Variants in PRKAR1A observed in about 807,000 individuals in gnomAD.
PRKAR1A encodes the protein protein kinase cAMP-dependent type I regulatory subunit alpha.
PRKAR1A carries 3 observed loss-of-function variants against 52.0 expected under a neutral mutation model. The observed-to-expected ratio is 0.06, with a 90% CI of 0.03 to 0.15. PRKAR1A has a LOEUF of 0.15. Among genes scored for constraint, PRKAR1A ranks in the 10% least tolerant of loss-of-function variants. The pLI is 1.00. For synonymous variants in PRKAR1A, 188 were observed against 168.4 expected (o/e 1.12, Z -0.90); for missense variants, 240 against 477.4 (o/e 0.50, Z 4.63).
chr17:68,531,276 A>G lies in PRKAR1A; in HGVS notation c.*827A>G. 8 of 1,066,376 alleles carry G rather than the reference A, an allele frequency of 7.5e-6. No homozygotes were observed. The highest frequency in any genetic ancestry group is 9.1e-6 in the Non-Finnish European group (8 of 879,656). The allele number at this position is 1,066,376 out of a possible 1,614,324, so 66.1% of individuals were successfully genotyped here. A position where few individuals can be genotyped will look rare whatever the true frequency, so the allele number is the denominator to read the frequency against. On this transcript the variant is annotated 3_prime_UTR_variant, in exon 11 of 11. Coordinates refer to ENST00000589228, the MANE Select transcript of PRKAR1A (RefSeq NM_002734.5). ...ATAATTGATCAGATGCTGAATTGAG[A>G]ATAAGAATTTGAGGTCTACATTCTT...
chr17:68,491,339 G>A, the PRKAR1A span, among the ~76,000 whole-genome samples: 10 of 152,136 alleles, frequency 6.6e-5, no homozygotes, highest in African/African-American at 2.2e-4. Flanking sequence ...TGATCTGCCC[G>A]CTTCAACCTC....
chr17:68,446,000 C>A, the PRKAR1A span, among the ~76,000 whole-genome samples: 1 of 152,140 alleles, frequency 6.6e-6, no homozygotes, highest in African/African-American at 2.4e-5. Context: ...TCTCAGCCAG[C>A]TCCTTTTATT....
At chr17:68,520,509 G>A (rs979871147) in intron 2 of PRKAR1A, among the ~76,000 whole-genome samples, 4 of 152,040 alleles carry the variant, frequency 2.6e-5, no homozygotes, top group African/African-American at 7.2e-5. Context: ...GAGTACATGT[G>A]ATATTTTACA....
At chr17:68,471,950 G>A in the PRKAR1A span, among the ~76,000 whole-genome samples, 2 of 152,134 alleles carry the variant, frequency 1.3e-5, no homozygotes, top group Non-Finnish European at 2.9e-5. Flanking sequence ...ACAGGCACCC[G>A]CCACCACGCC....
At chr17:68,536,238 A>T (rs745994068), downstream of PRKAR1A, 3 of 454,138 alleles carry the variant, frequency 6.6e-6, no homozygotes, top group Non-Finnish European at 8.8e-6. Context: ...GCTCCATTCT[A>T]TTCTCATGCT....
At chr17:68,521,090 TGCC>T (rs1210055795) in intron 2 of PRKAR1A, among the ~76,000 whole-genome samples, 1 of 152,134 alleles carries the variant, frequency 6.6e-6, no homozygotes, top group African/African-American at 2.4e-5. Flanking sequence ...TACAGGTGCC[TGCC>T]ACCACACCTG....
the PRKAR1A span, chr17:68,441,145 G>C: frequency 6.6e-6 from 1 of 152,136 alleles, no homozygotes; most frequent in Non-Finnish European, 1.5e-5. Context: ...GGACTTTCAT[G>C]GAGATTTCCA....
chr17:68,539,366 G>A, intron 11 of PRKAR1A: 2 of 1,614,218 alleles, frequency 1.2e-6, no homozygotes, highest in Non-Finnish European at 1.7e-6. Flanking sequence ...GCGAGAGGAT[G>A]GAGATTTCAT....
chr17:68,513,630 A>G (rs2085341059), intron 1 of PRKAR1A, among the ~76,000 whole-genome samples: 1 of 152,220 alleles, frequency 6.6e-6, no homozygotes, highest in South Asian at 2.1e-4. Flanking sequence ...GGCTTTACAA[A>G]TAAGTACACA....
chr17:68,539,763 G>A (rs2086207419), intron 11 of PRKAR1A: 2 of 887,766 alleles, frequency 2.3e-6, no homozygotes, highest in African/African-American at 1.6e-5. Flanking sequence ...GGGCTCGAAG[G>A]AGACAAGGCA....
chr17:68,457,387 C>T, the PRKAR1A span: 1 of 1,537,774 alleles, frequency 6.5e-7, no homozygotes, highest in Non-Finnish European at 8.7e-7. Flanking sequence ...CGACTCAACC[C>T]CGCCCGGGGG....
At chr17:68,537,084 T>C (rs925523760), downstream of PRKAR1A, 1 of 461,900 alleles carries the variant, frequency 2.2e-6, no homozygotes, top group African/African-American at 2.0e-5. The surrounding 1 kb of genome is among the most constrained non-coding windows in gnomAD (Gnocchi z 4.2). Flanking sequence ...GAGTTATCTT[T>C]GACTTGTAGC....
downstream of PRKAR1A, chr17:68,535,723 G>C (rs1456240760): frequency 2.2e-6 from 1 of 450,994 alleles, no homozygotes; most frequent in East Asian, 7.0e-5. Flanking sequence ...TGTTACCCAG[G>C]CTGGTCTCGA....
At chr17:68,418,329 C>T in the PRKAR1A span, among the ~76,000 whole-genome samples, 2 of 152,112 alleles carry the variant, frequency 1.3e-5, no homozygotes, top group African/African-American at 4.8e-5. Context: ...TAGGCAGATC[C>T]CTCAGTCCTG....
At chr17:68,479,855 T>C in the PRKAR1A span, among the ~76,000 whole-genome samples, 1 of 152,206 alleles carries the variant, frequency 6.6e-6, no homozygotes, top group East Asian at 1.9e-4. Context: ...TCAATCATGG[T>C]AGAAGGGGAA....
chr17:68,427,333 A>G, the PRKAR1A span: 1 of 1,078,614 alleles, frequency 9.3e-7, no homozygotes, highest in African/African-American at 1.6e-5. Context: ...GAAAAGCATG[A>G]AGAAGCCTGT....
At chr17:68,431,450 G>A in the PRKAR1A span, among the ~76,000 whole-genome samples, 2 of 152,094 alleles carry the variant, frequency 1.3e-5, no homozygotes, top group Non-Finnish European at 2.9e-5. Context: ...TCTGGGGGTG[G>A]TGGCTGCTGG....
the PRKAR1A span, among the ~76,000 whole-genome samples, chr17:68,442,047 A>G: frequency 6.6e-6 from 1 of 152,204 alleles, no homozygotes; most frequent in Non-Finnish European, 1.5e-5. Flanking sequence ...CACTGTCTCT[A>G]ACAGGGAACA....
the PRKAR1A span, among the ~76,000 whole-genome samples, chr17:68,436,111 T>C: frequency 6.6e-6 from 1 of 152,128 alleles, no homozygotes; most frequent in African/African-American, 2.4e-5. Context: ...TGGGACAGGG[T>C]GACACATTCA....
Sources: gnomAD v4.1 joint callset for allele counts (sites outside exome capture counted in the v4.1 genomes callset) on GRCh38, gnomAD v4.1.1 for gene constraint, Gnocchi (gnomAD v3.1) non-coding constraint, MANE v1.5 for transcripts, NCBI Gene and HGNC (gene_info 2026-07-23, HGNC 2026-07-21) for gene names.